Variants in GLB1L3 observed in about 807,000 individuals in gnomAD.
GLB1L3 encodes galactosidase beta 1 like 3.
Under a neutral mutation model 89.5 loss-of-function variants are expected in GLB1L3, and 89 were observed. That is an observed-to-expected ratio of 0.99 (90% CI 0.84 to 1.19). GLB1L3 has a LOEUF of 1.19. GLB1L3 is among the 50% of genes most tolerant of loss of function. The pLI is 0.00. For synonymous variants in GLB1L3, 314 were observed against 312.3 expected (o/e 1.01, Z -0.06); for missense variants, 812 against 813.3 (o/e 1.00, Z 0.02).
Position 134,312,492 on chromosome 11 carries a change from AG to A in GLB1L3, c.1428+6del. ...CCCACGCTCATGACGTGGCACAGGT[AG>A]GGCCAGCAGGCTGTCTGTGTGGGAA... On this transcript the variant is annotated splice_donor_region_variant and intron_variant, in intron 14 of 19. Transcript: ENST00000431683. 6.2e-7 allele frequency: 1 copy of A among 1,610,640 alleles called. No individual in the cohort carries two copies.
Position 134,318,726 on chromosome 11 carries a change from G to T in GLB1L3, c.1875G>T (p.Trp625Cys). Residue 625 changes from tryptophan (W) to cysteine (C), a missense_variant, in exon 19 of 20, where the codon TGG becomes TGT. Around this residue, in one of 3 missense-constraint regions of GLB1L3, gnomAD observed 618 missense variants for 604.0 expected, o/e 1.02. Coordinates refer to ENST00000431683, the MANE Select transcript of GLB1L3 (RefSeq NM_001080407.3). ...AAACACTGTACCTTCCTGGAGTTTG[G>T]CTTCATCCAGAAGACAATGAGGTAT... ...PQKTLYLPGVWLHPEDNEVIL... is the reference protein window; with the variant it reads ...PQKTLYLPGVCLHPEDNEVIL... 6.2e-7 allele frequency: 1 copy of T among 1,609,864 alleles called. No individual in the cohort carries two copies. The highest frequency in any genetic ancestry group is 8.5e-7 in the Non-Finnish European group (1 of 1,176,738).
At chr11:134,288,719 C>T (rs544776927) in intron 6 of GLB1L3, 79 bp from the exon 7 acceptor site, 5 of 1,015,498 alleles carry the variant, frequency 4.9e-6, no homozygotes, top group Non-Finnish European at 7.3e-6. Flanking sequence ...GCTGTGCAGC[C>T]TTCGGCAGCA....
At chr11:134,305,207 T>C (rs1278380314) in intron 9 of GLB1L3, 1 of 1,048,576 alleles carries the variant, frequency 9.5e-7, no homozygotes, top group East Asian at 2.6e-5. Flanking sequence ...TTCCATAATT[T>C]TGTCCTTCTA....
intron 9 of GLB1L3, among the ~76,000 whole-genome samples, chr11:134,303,197 T>G (rs1171991464): frequency 3.9e-5 from 6 of 152,258 alleles, no homozygotes; most frequent in Non-Finnish European, 8.8e-5. Context: ...ATTTTCTATA[T>G]CCTCATTTGG....
intron 10 of GLB1L3, 36 bp from the exon 11 acceptor site, chr11:134,309,590 C>G (rs1310436902): frequency 6.6e-7 from 1 of 1,515,972 alleles, no homozygotes; most frequent in South Asian, 1.3e-5. Context: ...CTCTTAATTT[C>G]TAACATTCTC....
At chr11:134,310,032 C>T (rs758191924) in intron 11 of GLB1L3, 1 of 494,640 alleles carries the variant, frequency 2.0e-6, no homozygotes, top group Non-Finnish European at 3.6e-6. Context: ...TGAAGAGAGG[C>T]AGGGTAGGAA....
chr11:134,308,475 T>TCACCACCACCACCATCATCACCATCACC lies in GLB1L3; in HGVS notation c.962-1151_962-1150insCACCACCACCACCATCATCACCATCACC, dbSNP rs1565413930. On this transcript the variant is annotated intron_variant, in intron 10 of 19. Coordinates refer to ENST00000431683, the MANE Select transcript of GLB1L3 (RefSeq NM_001080407.3). ...CACCACCACCACCACCACCACCAAATACCACCACCACCATCACCACCAAAT... is the reference window on the plus strand; with the variant it reads ...CACCACCACCACCACCACCACCAAATCACCACCACCACCATCATCACCATCACCACCACCACCACCATCACCACCAAAT... Among the ~76,000 whole-genome samples, 3 of 20,354 alleles carry TCACCACCACCACCATCATCACCATCACC rather than the reference T, an allele frequency of 1.5e-4. 1 individual carries two copies. The highest frequency in any genetic ancestry group is 6.0e-4 in the African/African-American group (3 of 5,016). 13.4% of individuals were successfully genotyped at this position (20,354 alleles called of 152,430 possible). A position where few individuals can be genotyped will look rare whatever the true frequency, so the allele number is the denominator to read the frequency against.
chr11:134,289,031 T>A, intron 7 of GLB1L3, 141 bp downstream of exon 7: 1 of 596,602 alleles, frequency 1.7e-6, no homozygotes, highest in South Asian at 2.4e-5. Context: ...TGCGGAGGGG[T>A]GCCGGCCCAC....
chr11:134,276,873 C>CGCCGG, intron 1 of GLB1L3, 110 bp downstream of exon 1: 5 of 963,732 alleles, frequency 5.2e-6, no homozygotes, highest in Non-Finnish European at 5.5e-6. Flanking sequence ...GCACGCGCCG[C>CGCCGG]GCCGGGCCGC....
At chr11:134,303,132 T>C (rs1385318621) in intron 9 of GLB1L3, among the ~76,000 whole-genome samples, 1 of 152,252 alleles carries the variant, frequency 6.6e-6, no homozygotes, top group African/African-American at 2.4e-5. Context: ...GTCACTTTTG[T>C]CTGTCATTGA....
chr11:134,285,668 A>G (rs1231236136), intron 6 of GLB1L3, among the ~76,000 whole-genome samples: 1 of 152,036 alleles, frequency 6.6e-6, no homozygotes, highest in East Asian at 1.9e-4. Context: ...TGTAGTCCCA[A>G]CTACTCGGGA....
chr11:134,314,394 A>T lies in GLB1L3; in HGVS notation c.1732A>T (p.Thr578Ser), dbSNP rs1942891179. The part of the protein sequence containing the change: ...SHQGPAFYCG[T>S]LKAGPSPKDT... ...CCAGGGCCCGGCCTTCTACTGTGGG[A>T]CCTTGAAGGCTGGCCCTTCTCCCAA... The change falls in exon 18 of 20, where the codon ACC (threonine) becomes TCC (serine). Residue 578 changes from threonine to serine, a missense_variant. Thr to Ser is a moderately conservative substitution (Grantham distance 58). Around this residue, in one of 3 missense-constraint regions of GLB1L3, gnomAD observed 618 missense variants for 604.0 expected, o/e 1.02. Transcript: ENST00000431683. 1 of 1,551,550 alleles carries T rather than the reference A, an allele frequency of 6.4e-7. No homozygotes were observed.
At chr11:134,285,975 C>A in intron 6 of GLB1L3, among the ~76,000 whole-genome samples, 1 of 150,662 alleles carries the variant, frequency 6.6e-6, no homozygotes. Context: ...GTTGTGTGAC[C>A]TCGGCTCACC....
intron 5 of GLB1L3, among the ~76,000 whole-genome samples, 167 bp downstream of exon 5, chr11:134,282,287 C>T (rs778329588): frequency 6.6e-6 from 1 of 152,146 alleles, no homozygotes; most frequent in East Asian, 1.9e-4. Context: ...GGGAAGCCTG[C>T]GGTACTGCGG....
chr11:134,307,531 A>G (rs1268704317), intron 10 of GLB1L3, among the ~76,000 whole-genome samples: 1 of 152,228 alleles, frequency 6.6e-6, no homozygotes, highest in South Asian at 2.1e-4. Flanking sequence ...AGACCTGCGC[A>G]GGTAAGGTTA....
In GLB1L3 at chr11:134,277,731, C is replaced by G. The variant is rs1404623733; in HGVS notation, c.181C>G (p.Leu61Val). ...FNWSHLTPLE[L>V]KNRSVGLGTE... ...TTGGTCTCATCTGACCCCTCTGGAG[C>G]TGAAGAATCGATCTGTGGGACTTGG... The change falls in exon 3 of 20, where the codon CTG (leucine) becomes GTG (valine). Residue 61 changes from leucine to valine, a missense_variant. Around this residue, in one of 3 missense-constraint regions of GLB1L3, gnomAD observed 191 missense variants for 191.4 expected, o/e 1.00. Transcript: ENST00000431683. The G allele has an allele frequency of 6.2e-7, 1 of 1,612,540 alleles. No individual in the cohort carries two copies. Among genetic ancestry groups the G allele is most frequent in the Admixed American group, 1.7e-5 (1 of 59,812 alleles).
At chr11:134,277,304 C>G in intron 1 of GLB1L3, 22 bp from the exon 2 acceptor site, 1 of 1,613,796 alleles carries the variant, frequency 6.2e-7, no homozygotes, top group Non-Finnish European at 8.5e-7. Context: ...CCCCTTGTCA[C>G]TGTTGTCCTT....
At chr11:134,307,273 TA>T in intron 10 of GLB1L3, 65 bp downstream of exon 10, 5 of 1,123,742 alleles carry the variant, frequency 4.4e-6, no homozygotes, top group Non-Finnish European at 6.6e-6. Flanking sequence ...AACTCATTCA[TA>T]CAGTTCTCTG....
chr11:134,308,179 C>CACCACCACA (rs1942304554), intron 10 of GLB1L3, among the ~76,000 whole-genome samples: 1 of 116,766 alleles, frequency 8.6e-6, no homozygotes, highest in Non-Finnish European at 1.7e-5. Flanking sequence ...GCACCACCAC[C>CACCACCACA]ATCACCATCA....
Sources: gnomAD v4.1 joint callset for allele counts (sites outside exome capture counted in the v4.1 genomes callset) on GRCh38, gnomAD v4.1.1 for gene constraint, gnomAD v4.1.1 regional missense constraint, MANE v1.5 for transcripts, NCBI Gene and HGNC (gene_info 2026-07-23, HGNC 2026-07-21) for gene names.